The following SAE1 variants were observed in gnomAD, a reference collection of about 807,000 sequenced individuals.
SAE1 encodes SUMO1 activating enzyme subunit 1.
In SAE1, 11 loss-of-function variants were observed where a neutral mutation model predicts 40.6. The observed-to-expected ratio is 0.27, with a 90% CI of 0.17 to 0.45. SAE1 has a LOEUF of 0.45. Among genes scored for constraint, SAE1 ranks in the 20% least tolerant of loss-of-function variants. The pLI is 1.00. For synonymous variants in SAE1, 155 were observed against 154.3 expected (o/e 1.00, Z -0.03); for missense variants, 373 against 427.3 (o/e 0.87, Z 1.12).
intron 6 of SAE1, among the ~76,000 whole-genome samples, chr19:47,183,645 C>T (rs1349776638): frequency 6.6e-6 from 1 of 152,178 alleles, no homozygotes; most frequent in African/African-American, 2.4e-5. Flanking sequence ...CCCACTCCCC[C>T]ACCCACTTGG....
Position 47,149,859 on chromosome 19 carries a change from C to T in SAE1, c.211-343C>T, listed in dbSNP as rs144256195. Among the ~76,000 whole-genome samples, 1,101 of 151,854 alleles carry T rather than the reference C, an allele frequency of 7.3e-3. 5 individuals carry two copies. Among genetic ancestry groups the T allele is most frequent in the Non-Finnish European group, 0.012 (809 of 67,922 alleles). On this transcript the variant is annotated intron_variant, in intron 2 of 8. Coordinates refer to ENST00000270225, the MANE Select transcript of SAE1 (RefSeq NM_005500.3). Reference sequence around the variant, plus strand: ...TTGGGAGGCTGAGGCAGGCGGATCACGAGGTCAAGAGATTGAGACCATCCT... The same window carrying T: ...TTGGGAGGCTGAGGCAGGCGGATCATGAGGTCAAGAGATTGAGACCATCCT...
chr19:47,178,996 A>G (rs1389606190), intron 6 of SAE1, among the ~76,000 whole-genome samples: 1 of 151,358 alleles, frequency 6.6e-6, no homozygotes, highest in Non-Finnish European at 1.5e-5. Flanking sequence ...GATCGAGACC[A>G]TCCTGGCTGA....
At chr19:47,137,858 AGCTCGGATTACAGGCGCGT>A (rs1371648925) in intron 1 of SAE1, among the ~76,000 whole-genome samples, 2 of 151,238 alleles carry the variant, frequency 1.3e-5, no homozygotes, top group Non-Finnish European at 2.9e-5. Flanking sequence ...CCTCTGGAGT[AGCTCGGATTACAGGCGCGT>A]GCCACCACAC....
At position 47,132,889 on chromosome 19, in the gene SAE1, C is replaced by CAA. The variant is rs60901263; in HGVS notation, c.98+1876_98+1877dup. 2.0e-3 allele frequency among the ~76,000 whole-genome samples: 216 copies of CAA among 109,446 alleles called. 5 individuals carry two copies. Among genetic ancestry groups the CAA allele is most frequent in the South Asian group, 0.016 (54 of 3,344 alleles). The allele number at this position is 109,446 out of a possible 152,430, so 71.8% of individuals were successfully genotyped here. A position where few individuals can be genotyped will look rare whatever the true frequency, so the allele number is the denominator to read the frequency against. On this transcript the variant is annotated intron_variant, in intron 1 of 8. Coordinates refer to ENST00000270225, the MANE Select transcript of SAE1 (RefSeq NM_005500.3). ...TGGGTGACAGAGTGAGGCCCCGTCTCAAAAAAAAAAAAAAAATCCACAAGC... is the reference window on the plus strand; with the variant it reads ...TGGGTGACAGAGTGAGGCCCCGTCTCAAAAAAAAAAAAAAAAAATCCACAAGC...
At chr19:47,175,107 A>ATTTTTTTT (rs916783073) in intron 6 of SAE1, among the ~76,000 whole-genome samples, 23 of 91,710 alleles carry the variant, frequency 2.5e-4, no homozygotes, top group Non-Finnish European at 3.7e-4. Context: ...AGTGGCCTTG[A>ATTTTTTTT]TTTTTTTTTT....
At chr19:47,193,572 A>G (rs2058593309) in intron 6 of SAE1, among the ~76,000 whole-genome samples, 1 of 151,232 alleles carries the variant, frequency 6.6e-6, no homozygotes, top group Non-Finnish European at 1.5e-5. Flanking sequence ...CTGTAATTCC[A>G]GCACTTTGGG....
chr19:47,208,820 G>T (rs2058698699), intron 8 of SAE1, among the ~76,000 whole-genome samples: 1 of 152,182 alleles, frequency 6.6e-6, no homozygotes, highest in African/African-American at 2.4e-5. Flanking sequence ...GCCTCCCAAA[G>T]TGCTGGGATT....
rs141083994 is a variant in SAE1 at position 47,155,982 on chromosome 19, A to G, written c.627+769A>G. 4.3e-3 allele frequency among the ~76,000 whole-genome samples: 641 copies of G among 150,796 alleles called. 6 individuals are homozygous for G. The highest frequency in any genetic ancestry group is 0.015 in the African/African-American group (607 of 40,934). On this transcript the variant is annotated intron_variant, in intron 5 of 8. Coordinates refer to ENST00000270225, the MANE Select transcript of SAE1 (RefSeq NM_005500.3). ...TATTTATCTCTTGACCTCGTGGTCC[A>G]CCTGCCTCAGCCCCACAAAGTGCTG... is the stretch of plus-strand genomic sequence containing the variant.
At chr19:47,134,074 G>C (rs998157522) in intron 1 of SAE1, among the ~76,000 whole-genome samples, 1 of 151,984 alleles carries the variant, frequency 6.6e-6, no homozygotes, top group African/African-American at 2.4e-5. Flanking sequence ...TGTTGGTCAG[G>C]CTGGTGTTGA....
chr19:47,188,077 G>C (rs952574293), intron 6 of SAE1, among the ~76,000 whole-genome samples: 1 of 152,014 alleles, frequency 6.6e-6, no homozygotes, highest in South Asian at 2.1e-4. Context: ...GGCAGGGCAT[G>C]GTGGCTCACG....
rs372312714 is a variant in SAE1 at position 47,141,361 on chromosome 19, C to T, written c.99-2133C>T. Among the ~76,000 whole-genome samples, 153 of 152,086 alleles carry T rather than the reference C, an allele frequency of 1.0e-3. 4 individuals carry two copies. The South Asian group carries it at 0.031, about 31-fold the overall frequency. On this transcript the variant is annotated intron_variant, in intron 1 of 8. Coordinates refer to ENST00000270225, the MANE Select transcript of SAE1 (RefSeq NM_005500.3). ...TTCACCATGTTGGACAGGCTGGTCT[C>T]GAACTCCTGACCTCAGGTGATCCAC...
intron 8 of SAE1, among the ~76,000 whole-genome samples, chr19:47,207,113 T>A (rs896066976): frequency 2.6e-5 from 4 of 152,082 alleles, no homozygotes; most frequent in Non-Finnish European, 4.4e-5. Flanking sequence ...GGAGACCTCA[T>A]CTCTACAAAA....
chr19:47,154,840 G>A (rs1007361281), intron 4 of SAE1, among the ~76,000 whole-genome samples: 1 of 152,156 alleles, frequency 6.6e-6, no homozygotes, highest in African/African-American at 2.4e-5. Context: ...TGTTTACAAA[G>A]TAATCACTTT....
chr19:47,167,689 G>T (rs1044811658), intron 5 of SAE1, among the ~76,000 whole-genome samples: 1 of 151,914 alleles, frequency 6.6e-6, no homozygotes, highest in Admixed American at 6.6e-5. Context: ...TGGTTGGGAG[G>T]GTATGGAGAG....
At position 47,155,469 on chromosome 19, in the gene SAE1, T is replaced by G. The variant is rs28447566; in HGVS notation, c.627+256T>G. On this transcript the variant is annotated intron_variant, in intron 5 of 8. Coordinates refer to ENST00000270225, the MANE Select transcript of SAE1 (RefSeq NM_005500.3). Reference sequence around the variant, plus strand: ...TAGGCTCTGTCCCAAACTTTTTTTTTTGTGTGTGTGAGATGGAATTTTTTC... The same window carrying G: ...TAGGCTCTGTCCCAAACTTTTTTTTGTGTGTGTGTGAGATGGAATTTTTTC... Among the ~76,000 whole-genome samples the G allele has an allele frequency of 5.2e-3, 797 of 152,150 alleles. 7 individuals carry two copies. The highest frequency in any genetic ancestry group is 0.011 in the East Asian group (55 of 5,174).
At chr19:47,194,691 G>T (rs949581160) in intron 6 of SAE1, among the ~76,000 whole-genome samples, 3 of 151,750 alleles carry the variant, frequency 2.0e-5, no homozygotes, top group Non-Finnish European at 2.9e-5. Context: ...CCGCAGGCAG[G>T]TTACCTGTGG....
chr19:47,139,891 G>A (rs1443198960), intron 1 of SAE1, among the ~76,000 whole-genome samples: 3 of 149,770 alleles, frequency 2.0e-5, no homozygotes, highest in South Asian at 2.1e-4. Context: ...GTGAGGCACC[G>A]TGCCCTGCTG....
At chr19:47,188,467 C>T (rs2058557915) in intron 6 of SAE1, among the ~76,000 whole-genome samples, 1 of 152,108 alleles carries the variant, frequency 6.6e-6, no homozygotes, top group Non-Finnish European at 1.5e-5. Context: ...TGTCCAGAGC[C>T]CACAGCTGAA....
chr19:47,172,824 C>G (rs575561528), intron 6 of SAE1, among the ~76,000 whole-genome samples: 1 of 152,032 alleles, frequency 6.6e-6, no homozygotes, highest in East Asian at 1.9e-4. Context: ...ACAGAGTTCT[C>G]TAGGACTTGC....
Sources: allele counts gnomAD v4.1 joint callset (sites outside exome capture counted in the v4.1 genomes callset), GRCh38; gene constraint gnomAD v4.1.1; transcripts MANE v1.5; gene names NCBI Gene and HGNC (gene_info 2026-07-23, HGNC 2026-07-21).